Variants in TMEM59 observed in about 807,000 individuals in gnomAD.
The protein encoded by TMEM59 is dendritic cell factor 1.
A neutral mutation model predicts 42.2 loss-of-function variants in TMEM59; 44 were observed. The observed-to-expected ratio is 1.04, with a 90% CI of 0.82 to 1.34. The LOEUF (loss-of-function observed/expected upper bound fraction) is 1.34, where lower values mean the gene tolerates loss of function less well. Ranked by LOEUF, TMEM59 falls within the 40% of genes most tolerant of loss-of-function variation. TMEM59 has a pLI of 0.00. For missense variants in TMEM59, 359 were observed against 382.8 expected (o/e 0.94, Z 0.52); for synonymous variants, 148 against 145.8 (o/e 1.02, Z -0.11).
In TMEM59 at chr1:54,035,114, T is replaced by C. The variant is rs529534834; in HGVS notation, c.816+1496A>G. On this transcript the variant is annotated intron_variant, in intron 7 of 7. Transcript: ENST00000234831. ...TTAACGACTATATAAATGTTAGTTA[T>C]CAACATTATCCTGTCCCAGTTTCCA... is the stretch of plus-strand genomic sequence containing the variant. Among the ~76,000 whole-genome samples the C allele has an allele frequency of 3.6e-4, 55 of 152,344 alleles. No individual in the cohort carries two copies. In the South Asian group the frequency reaches 0.011, roughly 30 times the overall value.
At chr1:54,035,655 C>T (rs1301796664) in intron 7 of TMEM59, among the ~76,000 whole-genome samples, 2 of 151,976 alleles carry the variant, frequency 1.3e-5, no homozygotes, top group African/African-American at 2.4e-5. Flanking sequence ...GTTCTGTCAC[C>T]AGGCTGGAGT....
At chr1:54,043,967 T>C (rs1657234658) in intron 3 of TMEM59, 1 of 152,062 alleles carries the variant, frequency 6.6e-6, no homozygotes. Context: ...CAGAAGAATA[T>C]ATACATAAAA....
intron 2 of TMEM59, among the ~76,000 whole-genome samples, chr1:54,046,254 T>C (rs1657331967): frequency 6.6e-6 from 1 of 152,214 alleles, no homozygotes; most frequent in African/African-American, 2.4e-5. Context: ...TATACAAATA[T>C]AAGGTATTAT....
chr1:54,045,495 G>C lies in TMEM59; in HGVS notation c.390+197C>G, dbSNP rs1298360846. 6.0e-6 allele frequency: 3 copies of C among 503,170 alleles called. No homozygotes were observed. The East Asian group carries it at 9.4e-5, about 16-fold the overall frequency. The allele number at this position is 503,170 out of a possible 1,614,324, so 31.2% of individuals were successfully genotyped here. On this transcript the variant is annotated intron_variant, in intron 3 of 7. Coordinates refer to ENST00000234831, the MANE Select transcript of TMEM59 (RefSeq NM_004872.5). ...AAACAAAATAAGATTATGAACGTAA[G>C]CATAACTTTTAATAGTAAAGCATTA...
At chr1:54,046,628 CTGTATGTGA>C (rs1657346724) in intron 2 of TMEM59, among the ~76,000 whole-genome samples, 1 of 152,194 alleles carries the variant, frequency 6.6e-6, no homozygotes, top group Non-Finnish European at 1.5e-5. Flanking sequence ...TCAAAGAAGA[CTGTATGTGA>C]GCCATGGCAT....
At position 54,053,170 on chromosome 1, in the gene TMEM59, T is replaced by C. The variant is rs371015163; in HGVS notation, c.19A>G (p.Ser7Gly). 28 of 1,614,020 alleles carry C rather than the reference T, an allele frequency of 1.7e-5. No homozygotes were observed. Among genetic ancestry groups the C allele is most frequent in the African/African-American group, 1.7e-4 (13 of 75,062 alleles). ...CCCAGTTGGGTCCTCACCCAGAGGC[T>C]CCCCTTCGGCGCCGCCATCTTGTTC... MAAPKG[S>G]LWVRTQLGLP... The change falls in exon 1 of 8, where the codon AGC (serine) becomes GGC (glycine). Residue 7 changes from serine (S) to glycine (G), a missense_variant. Physicochemically the swap from Ser to Gly is moderately conservative, Grantham distance 56 (BLOSUM62 0). Transcript: ENST00000234831.
At position 54,047,391 on chromosome 1, in the gene TMEM59, G is replaced by A. The variant is rs559300003; in HGVS notation, c.190-19C>T. 5.9e-5 allele frequency: 94 copies of A among 1,594,782 alleles called. No homozygotes were observed. In the South Asian group the frequency reaches 9.2e-4, roughly 16 times the overall value. Reference sequence around the variant, plus strand: ...CCTCTTCCTAGGGAGTTCAAGAACAGGAAGGGTTACCAAAAAATAGTATTT... The same window carrying A: ...CCTCTTCCTAGGGAGTTCAAGAACAAGAAGGGTTACCAAAAAATAGTATTT... On this transcript the variant is annotated intron_variant, in intron 1 of 7. Transcript: ENST00000234831.
Position 54,030,884 on chromosome 1 carries a change from C to T in TMEM59, c.*1266G>A, listed in dbSNP as rs1370962034. 1 of 152,074 alleles carries T rather than the reference C, an allele frequency of 6.6e-6. No homozygotes were observed. The highest frequency in any genetic ancestry group is 2.4e-5 in the African/African-American group (1 of 41,382). The allele number at this position is 152,074 out of a possible 1,614,324, so 9.4% of individuals were successfully genotyped here. ...GCACTGATGCAGTTGTCAGCAATGC[C>T]CCTGTGACTGAGGAAAGTATTGTTT... On this transcript the variant is annotated 3_prime_UTR_variant, in exon 8 of 8. Transcript: ENST00000234831.
In TMEM59 at chr1:54,031,473, A is replaced by C. The variant is rs948287450; in HGVS notation, c.*677T>G. The C allele has an allele frequency of 1.3e-5, 2 of 152,426 alleles. No homozygotes were observed. The highest frequency in any genetic ancestry group is 4.8e-5 in the African/African-American group (2 of 41,458). The allele number at this position is 152,426 out of a possible 1,614,324, so 9.4% of individuals were successfully genotyped here. A position where few individuals can be genotyped will look rare whatever the true frequency, so the allele number is the denominator to read the frequency against. On this transcript the variant is annotated 3_prime_UTR_variant, in exon 8 of 8. Transcript: ENST00000234831. ...CAGAGAAAAATAGTTCTTTGGAAAC[A>C]CTCATCAAACAAAAACCTATAGCCT...
intron 3 of TMEM59, 160 bp from the exon 4 acceptor site, chr1:54,043,685 A>G (rs1024907782): frequency 4.1e-5 from 15 of 367,970 alleles, no homozygotes; most frequent in Non-Finnish European, 5.9e-5. Context: ...TTAGTTATCT[A>G]TGCACATTAT....
chr1:54,049,457 G>C (rs1464620239), intron 1 of TMEM59, among the ~76,000 whole-genome samples: 7 of 152,064 alleles, frequency 4.6e-5, no homozygotes, highest in African/African-American at 1.7e-4. Context: ...TGAAACATCT[G>C]GTATGGAGCA....
intron 4 of TMEM59, among the ~76,000 whole-genome samples, 155 bp downstream of exon 4, chr1:54,043,218 G>A (rs1226371168): frequency 1.3e-5 from 2 of 152,128 alleles, no homozygotes; most frequent in African/African-American, 4.8e-5. Flanking sequence ...TAAAACTGAT[G>A]TCTAATATTT....
intron 6 of TMEM59, among the ~76,000 whole-genome samples, chr1:54,037,813 A>G (rs528863726): frequency 2.6e-5 from 4 of 152,340 alleles, no homozygotes; most frequent in Admixed American, 1.3e-4. Context: ...AGAGTAAAAT[A>G]TGTTTTTAAT....
intron 3 of TMEM59, among the ~76,000 whole-genome samples, chr1:54,045,109 T>C (rs1657285967): frequency 6.6e-6 from 1 of 152,116 alleles, no homozygotes; most frequent in Non-Finnish European, 1.5e-5. Flanking sequence ...GAAATTCCCT[T>C]GTCAGGAATT....
rs1409417812 is a variant in TMEM59 at position 54,040,798 on chromosome 1, A to G, written c.665T>C (p.Leu222Pro). 9.3e-6 allele frequency: 15 copies of G among 1,613,764 alleles called. No individual in the cohort carries two copies. The highest frequency in any genetic ancestry group is 5.0e-5 in the Admixed American group (3 of 60,008). The part of the protein sequence containing the change: ...MRNSQAHRNF[L>P]EDGESDGFLR... Reference sequence around the variant, plus strand: ...AAAGCCATCACTTTCTCCATCTTCAAGAAAATTCCTGTGCGCTTGTGAATT... The same window carrying G: ...AAAGCCATCACTTTCTCCATCTTCAGGAAAATTCCTGTGCGCTTGTGAATT... Residue 222 changes from leucine to proline, a missense_variant, in exon 6 of 8, where the codon CTT becomes CCT. By Grantham distance (98) the Leu-to-Pro change is moderately conservative (BLOSUM62 -3). Transcript: ENST00000234831.
intron 6 of TMEM59, among the ~76,000 whole-genome samples, chr1:54,037,321 T>A (rs1035646505): frequency 4.6e-5 from 7 of 152,340 alleles, no homozygotes; most frequent in African/African-American, 1.7e-4. Flanking sequence ...ATTTTCCTTA[T>A]AATTAAAATA....
At chr1:54,035,009 T>G (rs1656899799) in intron 7 of TMEM59, 1 of 152,192 alleles carries the variant, frequency 6.6e-6, no homozygotes, top group Non-Finnish European at 1.5e-5. Flanking sequence ...GGTAGGAGAC[T>G]GAGGAGATGT....
Position 54,040,815 on chromosome 1 carries a change from T to C in TMEM59, c.648A>G (p.Gln216=). The C allele has an allele frequency of 5.0e-6, 8 of 1,613,760 alleles. No individual in the cohort carries two copies. The highest frequency in any genetic ancestry group is 1.3e-5 in the African/African-American group (1 of 75,050). The change falls in exon 6 of 8, where the codon CAA becomes CAG. Residue 216 remains glutamine (Q), a synonymous_variant. Coordinates refer to ENST00000234831, the MANE Select transcript of TMEM59 (RefSeq NM_004872.5). ...CATCTTCAAGAAAATTCCTGTGCGC[T>C]TGTGAATTTCTCATTTGCAGATCTG... is the stretch of plus-strand genomic sequence containing the variant. ...KMSYLQMRNS[Q]AHRNFLEDGE... is the part of the protein sequence containing the mutation.
chr1:54,045,977 T>C (rs1657320061), intron 2 of TMEM59, among the ~76,000 whole-genome samples, 191 bp from the exon 3 acceptor site: 1 of 152,214 alleles, frequency 6.6e-6, no homozygotes, highest in African/African-American at 2.4e-5. Flanking sequence ...CTCCTACAAG[T>C]CAAATGTTTT....
Sources: allele counts gnomAD v4.1 joint callset (sites outside exome capture counted in the v4.1 genomes callset), GRCh38; gene constraint gnomAD v4.1.1; transcripts MANE v1.5; gene names NCBI Gene and HGNC (gene_info 2026-07-23, HGNC 2026-07-21).